LSG1: variants seen among roughly 807,000 people sequenced by gnomAD.
The protein encoded by LSG1 is large subunit GTPase 1 homolog.
A neutral mutation model predicts 82.6 loss-of-function variants in LSG1; 55 were observed. The ratio of observed to expected loss-of-function variants is 0.67; its 90% CI spans 0.54 to 0.83. LSG1 has a LOEUF of 0.83. LSG1 is among the 40% of genes least tolerant of loss of function. LSG1 has a pLI of 0.00. For missense variants in LSG1, 809 were observed against 807.9 expected (o/e 1.00, Z -0.02); for synonymous variants, 272 against 282.5 (o/e 0.96, Z 0.37).
intron 10 of LSG1, 117 bp from the exon 11 acceptor site, chr3:194,648,921 C>T (rs1479245895): frequency 9.9e-7 from 1 of 1,007,436 alleles, no homozygotes; most frequent in East Asian, 2.5e-5. Context: ...CTCTCCTCTC[C>T]AAAGGAAGAG....
In LSG1 at chr3:194,666,495, T is replaced by A; in HGVS notation, c.304A>T (p.Lys102Ter). The A allele has an allele frequency of 6.2e-7, 1 of 1,614,122 alleles. No individual in the cohort carries two copies. The highest frequency in any genetic ancestry group is 8.5e-7 in the Non-Finnish European group (1 of 1,179,992). The change falls in exon 3 of 14, where the codon AAG (lysine) becomes TAG (stop). Residue 102 changes from lysine (K) to a stop codon, truncating the protein, a stop_gained. Transcript: ENST00000265245. LOFTEE classifies it high-confidence loss of function. Reference sequence around the variant, plus strand: ...AACTGTTTGTTTTCTTCATGGAGCTTCTTAATTCTCTGGCTCTCCTCGAAA... The same window carrying A: ...AACTGTTTGTTTTCTTCATGGAGCTACTTAATTCTCTGGCTCTCCTCGAAA... ...LSFEESQRIK[K>*]LHEENKQFLC...
intron 11 of LSG1, among the ~76,000 whole-genome samples, chr3:194,647,527 T>C (rs1051039381): frequency 1.3e-5 from 2 of 152,248 alleles, no homozygotes; most frequent in African/African-American, 4.8e-5. Flanking sequence ...TTCTTCTATA[T>C]GGACTTGCAG....
chr3:194,645,535 G>GACACACACACACACACACAGACAGACAC (rs1553845119), intron 12 of LSG1: 4 of 34,998 alleles, frequency 1.1e-4, no homozygotes, highest in South Asian at 1.0e-3. Context: ...CACACAGACA[G>GACACACACACACACACACAGACAGACAC]ACACACACAC....
rs144159008 is a variant in LSG1, at chr3:194,661,835, A to G, written c.522-1702T>C. 1.7e-3 allele frequency among the ~76,000 whole-genome samples: 256 copies of G among 152,362 alleles called. 1 individual carries two copies. The highest frequency in any genetic ancestry group is 5.9e-3 in the African/African-American group (247 of 41,580). ...TATTTAAAAAAAGGAGAAATATCACATAACAAAAATAAGAGAGCAAATAAT... is the reference window on the plus strand; with the variant it reads ...TATTTAAAAAAAGGAGAAATATCACGTAACAAAAATAAGAGAGCAAATAAT... On this transcript the variant is annotated intron_variant, in intron 5 of 13. Transcript: ENST00000265245.
intron 7 of LSG1, among the ~76,000 whole-genome samples, chr3:194,656,814 A>T (rs1401258635): frequency 6.6e-6 from 1 of 152,214 alleles, no homozygotes; most frequent in Non-Finnish European, 1.5e-5. Context: ...AATACTATGC[A>T]GCCATAAAAA....
rs373595145 is a variant in LSG1 at position 194,650,970 on chromosome 3, G to C, written c.1330C>G (p.Pro444Ala). 68 of 1,614,002 alleles carry C rather than the reference G, an allele frequency of 4.2e-5. No homozygotes were observed. The highest frequency in any genetic ancestry group is 5.7e-5 in the Non-Finnish European group (67 of 1,180,028). Residue 444 changes from proline (P) to alanine (A), a missense_variant, in exon 10 of 14, where the codon CCA (proline) becomes GCA (alanine). Coordinates refer to ENST00000265245, the MANE Select transcript of LSG1 (RefSeq NM_018385.3). ...CLCDCPGLVM[P>A]SFVSTKAEMT... The stretch of plus-strand genomic sequence containing the variant: ...TCTGCCTTGGTAGACACAAAAGATG[G>C]CATCACCAAGCCAGGACAGTCACAC...
chr3:194,644,568 C>T lies in LSG1; in HGVS notation c.1797+5G>A. The T allele has an allele frequency of 1.2e-6, 2 of 1,606,792 alleles. No homozygotes were observed. The highest frequency in any genetic ancestry group is 8.5e-7 in the Non-Finnish European group (1 of 1,176,710). On this transcript the variant is annotated splice_donor_5th_base_variant and intron_variant, in intron 13 of 13. Transcript: ENST00000265245. ...CAGAAGTTTAAGAAAAGCTTTAAAACTTACTTGATGGAAAAAAGTTTTGTC... is the reference window on the plus strand; with the variant it reads ...CAGAAGTTTAAGAAAAGCTTTAAAATTTACTTGATGGAAAAAAGTTTTGTC...
In LSG1 at chr3:194,644,719, G is replaced by C; in HGVS notation, c.1651C>G (p.Pro551Ala). Reference protein sequence around the residue: ...SGKLLYCHPPPGRDPVTFQHQ... With the variant: ...SGKLLYCHPPAGRDPVTFQHQ... ...TGAAAAGTTACAGGATCTCTTCCAGGAGGAGGATGGCAGTACAGCAGCTTA... is the reference window on the plus strand; with the variant it reads ...TGAAAAGTTACAGGATCTCTTCCAGCAGGAGGATGGCAGTACAGCAGCTTA... The change falls in exon 13 of 14, where the codon CCT becomes GCT. Residue 551 changes from proline to alanine, a missense_variant. Physicochemically the swap from Pro to Ala is conservative, Grantham distance 27. Transcript: ENST00000265245. 6.2e-7 allele frequency: 1 copy of C among 1,607,458 alleles called. No individual in the cohort carries two copies. The highest frequency in any genetic ancestry group is 8.5e-7 in the Non-Finnish European group (1 of 1,176,382).
intron 10 of LSG1, among the ~76,000 whole-genome samples, chr3:194,649,266 T>C (rs906156122): frequency 2.6e-5 from 4 of 152,168 alleles, no homozygotes; most frequent in African/African-American, 9.6e-5. Context: ...ACATGCCTCA[T>C]GTGCCCCAAC....
In LSG1 at chr3:194,658,891, G is replaced by A. The variant is rs560526820; in HGVS notation, c.759+66C>T. ...CCATAAGAATAAACAAAACACAAAC[G>A]AAGCACATTAACAAGAAATCAAAAT... On this transcript the variant is annotated intron_variant, in intron 7 of 13. Transcript: ENST00000265245. The A allele has an allele frequency of 2.4e-5, 34 of 1,422,024 alleles. No homozygotes were observed. In the African/African-American group the frequency reaches 3.5e-4, roughly 15 times the overall value. The allele number at this position is 1,422,024 out of a possible 1,614,324, so 88.1% of individuals were successfully genotyped here.
intron 10 of LSG1, chr3:194,650,639 G>C (rs1718654613): frequency 2.5e-6 from 1 of 401,244 alleles, no homozygotes; most frequent in Non-Finnish European, 4.5e-6. Context: ...TTGTTAAATA[G>C]GTTTGCAACT....
intron 8 of LSG1, 27 bp from the exon 9 acceptor site, chr3:194,651,243 CA>C: frequency 6.9e-7 from 1 of 1,442,800 alleles, no homozygotes; most frequent in Non-Finnish European, 9.8e-7. Flanking sequence ...AGTTACCAAA[CA>C]GTAAAACAGT....
chr3:194,665,738 A>T lies in LSG1; in HGVS notation c.435-95T>A, dbSNP rs1719018280. ...CAAATTTATTACATTAAAAATAAGTACTGGGCACAAATATCCAGAGTCAAA... is the reference window on the plus strand; with the variant it reads ...CAAATTTATTACATTAAAAATAAGTTCTGGGCACAAATATCCAGAGTCAAA... On this transcript the variant is annotated intron_variant, in intron 4 of 13. Transcript: ENST00000265245. 7.5e-6 allele frequency: 5 copies of T among 663,750 alleles called. No homozygotes were observed. In the South Asian group the frequency reaches 9.4e-5, roughly 12 times the overall value. The allele number at this position is 663,750 out of a possible 1,614,324, so 41.1% of individuals were successfully genotyped here. A position where few individuals can be genotyped will look rare whatever the true frequency, so the allele number is the denominator to read the frequency against.
chr3:194,646,763 C>T (rs1718562915), intron 11 of LSG1, among the ~76,000 whole-genome samples: 1 of 152,196 alleles, frequency 6.6e-6, no homozygotes, highest in Non-Finnish European at 1.5e-5. Flanking sequence ...TCAGGTGATC[C>T]ACCCACTTCG....
chr3:194,660,045 T>C, intron 6 of LSG1, 28 bp downstream of exon 6: 1 of 1,591,842 alleles, frequency 6.3e-7, no homozygotes, highest in East Asian at 2.2e-5. Context: ...AAAGGACTGA[T>C]GTTTGAATTT....
rs910972696 is a variant in LSG1 at position 194,667,071 on chromosome 3, TG to T, written c.227-500del. On this transcript the variant is annotated intron_variant, in intron 2 of 13. Coordinates refer to ENST00000265245, the MANE Select transcript of LSG1 (RefSeq NM_018385.3). ...CTGTAAACTTGCTTTCTTTGTCTTCTGTTTTTTTTTTGAGACAGAGTCTCAC... is the reference window on the plus strand; with the variant it reads ...CTGTAAACTTGCTTTCTTTGTCTTCTTTTTTTTTTTGAGACAGAGTCTCAC... Among the ~76,000 whole-genome samples the T allele has an allele frequency of 5.3e-5, 8 of 151,622 alleles. No homozygotes were observed. In the East Asian group the frequency reaches 1.4e-3, roughly 26 times the overall value.
chr3:194,648,419 A>G (rs556000531), intron 11 of LSG1, among the ~76,000 whole-genome samples: 51 of 152,248 alleles, frequency 3.3e-4, no homozygotes, highest in African/African-American at 1.2e-3. Flanking sequence ...GACTCCAGAA[A>G]GAGCCAACAC....
chr3:194,642,174 GC>G lies in LSG1; in HGVS notation c.1870del (p.Ala624HisfsTer66). On this transcript the variant is annotated frameshift_variant, in exon 14 of 14. Transcript: ENST00000265245. LOFTEE classifies it high-confidence loss of function. ...CCCGTTCTCAGAGCTCGCAGTGGAT[GC>G]AGTCACTACACCACTCCCGGGCTTG... ...GYKPGSGVVT[A>X]STASSENGAG... 1 of 1,614,092 alleles carries G rather than the reference GC, an allele frequency of 6.2e-7. No individual in the cohort carries two copies. The highest frequency in any genetic ancestry group is 1.1e-5 in the South Asian group (1 of 91,074).
In LSG1 at chr3:194,652,985, T is replaced by G; in HGVS notation, c.917A>C (p.Glu306Ala). 1.2e-6 allele frequency: 2 copies of G among 1,614,142 alleles called. No homozygotes were observed. Among genetic ancestry groups the G allele is most frequent in the Non-Finnish European group, 1.7e-6 (2 of 1,180,024 alleles). ...ENPTTDEDDS[E>A]YEDCPEEEED... ...CTCCTCCTCTGGACAGTCCTCATACTCACTGTCATCTTCATCCGTTGTGGG... is the reference window on the plus strand; with the variant it reads ...CTCCTCCTCTGGACAGTCCTCATACGCACTGTCATCTTCATCCGTTGTGGG... Residue 306 changes from glutamate (E) to alanine (A), a missense_variant, in exon 8 of 14, where the codon GAG (glutamate) becomes GCG (alanine). Physicochemically the swap from Glu to Ala is moderately radical, Grantham distance 107. Coordinates refer to ENST00000265245, the MANE Select transcript of LSG1 (RefSeq NM_018385.3).
Sources: allele counts gnomAD v4.1 joint callset (sites outside exome capture counted in the v4.1 genomes callset), GRCh38; gene constraint gnomAD v4.1.1; transcripts MANE v1.5; gene names NCBI Gene and HGNC (gene_info 2026-07-23, HGNC 2026-07-21).